Variants in PMPCA observed in about 807,000 individuals in gnomAD.
The protein encoded by PMPCA is peptidase, mitochondrial processing subunit alpha, also known as mitochondrial-processing peptidase subunit alpha.
PMPCA carries 47 observed loss-of-function variants against 59.3 expected under a neutral mutation model. The ratio of observed to expected loss-of-function variants is 0.79; its 90% CI spans 0.63 to 1.01. The LOEUF (loss-of-function observed/expected upper bound fraction) is 1.01. Among genes scored for constraint, PMPCA ranks in the 50% least tolerant of loss-of-function variants. The pLI is 0.00. For missense variants in PMPCA, 726 were observed against 704.5 expected (o/e 1.03, Z -0.34); for synonymous variants, 338 against 290.3 (o/e 1.16, Z -1.67).
chr9:136,410,739 G>A lies in PMPCA; in HGVS notation c.71G>A (p.Arg24Lys). ...GSGSWGCSRL[R>K]FGPPAYRRFS... ...GGTTCTTGGGGCTGTTCGCGGCTGA[G>A]GTGAGCCAAAGGCGAACCAGGCTTC... Residue 24 changes from arginine (R) to lysine (K), a missense_variant and splice_region_variant, in exon 1 of 13, where the codon AGG (arginine) becomes AAG (lysine). Transcript: ENST00000371717. 7.1e-7 allele frequency: 1 copy of A among 1,414,836 alleles called. No homozygotes were observed. Among genetic ancestry groups the A allele is most frequent in the Non-Finnish European group, 9.2e-7 (1 of 1,090,202 alleles). The allele number at this position is 1,414,836 out of a possible 1,614,324, so 87.6% of individuals were successfully genotyped here. A position where few individuals can be genotyped will look rare whatever the true frequency, so the allele number is the denominator to read the frequency against.
Position 136,418,068 on chromosome 9 carries a change from C to G in PMPCA, c.949C>G (p.Leu317Val). 2 of 1,613,916 alleles carry G rather than the reference C, an allele frequency of 1.2e-6. No individual in the cohort carries two copies. Among genetic ancestry groups the G allele is most frequent in the Non-Finnish European group, 1.7e-6 (2 of 1,179,740 alleles). The change falls in exon 8 of 13, where the codon CTC becomes GTC. Residue 317 changes from leucine to valine, a missense_variant. Coordinates refer to ENST00000371717, the MANE Select transcript of PMPCA (RefSeq NM_015160.3). ...CCTGGGCCCGACCCCCATCCCCGAGCTCACGCACATCATGGTTGGACTGGA... is the reference window on the plus strand; with the variant it reads ...CCTGGGCCCGACCCCCATCCCCGAGGTCACGCACATCATGGTTGGACTGGA... The part of the protein sequence containing the change: ...VSLGPTPIPE[L>V]THIMVGLESC...
chr9:136,414,041 T>TA (rs1443893037), intron 4 of PMPCA, among the ~76,000 whole-genome samples: 12 of 152,326 alleles, frequency 7.9e-5, no homozygotes, highest in African/African-American at 2.9e-4. Flanking sequence ...GAACAGATGT[T>TA]ACAGTGAGAC....
At chr9:136,422,979 C>G in intron 12 of PMPCA, 116 bp from the exon 13 acceptor site, 1 of 1,461,072 alleles carries the variant, frequency 6.8e-7, no homozygotes, top group Non-Finnish European at 9.0e-7. Flanking sequence ...CCCCCATCAG[C>G]AGCACAGCGT....
chr9:136,411,038 G>A (rs1370692215), intron 1 of PMPCA: 2 of 341,794 alleles, frequency 5.9e-6, no homozygotes, highest in Non-Finnish European at 1.1e-5. Context: ...CACCTACCGC[G>A]TGCTCCTTCA....
chr9:136,413,639 A>G (rs1195994599), intron 4 of PMPCA, among the ~76,000 whole-genome samples: 1 of 152,188 alleles, frequency 6.6e-6, no homozygotes, highest in Non-Finnish European at 1.5e-5. Context: ...TGCCCCTGCC[A>G]GGTTCCTGCC....
At chr9:136,416,708 A>G in intron 6 of PMPCA, 1 of 590,540 alleles carries the variant, frequency 1.7e-6, no homozygotes, top group Non-Finnish European at 3.0e-6. Context: ...CAGTTTTTAT[A>G]GTAACTAGGT....
chr9:136,417,161 G>C lies in PMPCA; in HGVS notation c.844G>C (p.Glu282Gln). ...LGVQPAWGSA[E>Q]AVDIDRSVAQ... ...GGTCCAGCCGGCCTGGGGGAGCGCA[G>C]AGGCCGTGGATATTGACAGATCTGT... Residue 282 changes from glutamate (E) to glutamine (Q), a missense_variant, in exon 7 of 13, where the codon GAG becomes CAG. Coordinates refer to ENST00000371717, the MANE Select transcript of PMPCA (RefSeq NM_015160.3). The C allele has an allele frequency of 6.2e-7, 1 of 1,611,310 alleles. No individual in the cohort carries two copies. Among genetic ancestry groups the C allele is most frequent in the Non-Finnish European group, 8.5e-7 (1 of 1,178,206 alleles).
intron 11 of PMPCA, 189 bp downstream of exon 11, chr9:136,419,295 G>A (rs1564424289): frequency 6.0e-6 from 4 of 669,784 alleles, no homozygotes; most frequent in East Asian, 5.4e-5. Flanking sequence ...GGAGCCCGCT[G>A]AGGCTGTTCT....
chr9:136,417,253 A>G, intron 7 of PMPCA, 39 bp downstream of exon 7: 1 of 1,521,144 alleles, frequency 6.6e-7, no homozygotes, highest in Non-Finnish European at 8.9e-7. Context: ...CGGGTGGGGA[A>G]CACGTCCCCT....
intron 6 of PMPCA, chr9:136,416,635 C>G (rs1835283613): frequency 1.6e-6 from 1 of 607,122 alleles, no homozygotes; most frequent in South Asian, 1.9e-5. Context: ...GCGTGAGTCA[C>G]CGCACTCAGC....
At chr9:136,415,166 G>A (rs894054549) in intron 5 of PMPCA, among the ~76,000 whole-genome samples, 1 of 152,192 alleles carries the variant, frequency 6.6e-6, no homozygotes, top group African/African-American at 2.4e-5. Flanking sequence ...GGCATTTAGG[G>A]ATGTAGAGAT....
Position 136,423,345 on chromosome 9 carries a change from T to C in PMPCA, c.*81T>C, listed in dbSNP as rs1041623609. 18 of 1,403,522 alleles carry C rather than the reference T, an allele frequency of 1.3e-5. No homozygotes were observed. Among genetic ancestry groups the C allele is most frequent in the Non-Finnish European group, 1.6e-5 (17 of 1,035,872 alleles). 86.9% of individuals were successfully genotyped at this position (1,403,522 alleles called of 1,614,324 possible). On this transcript the variant is annotated 3_prime_UTR_variant, in exon 13 of 13. Coordinates refer to ENST00000371717, the MANE Select transcript of PMPCA (RefSeq NM_015160.3). ...CGTGTTAGTTTGGACACGAATTTAG[T>C]CTAAAAAGCTGTCTGGTTGTATAAA...
chr9:136,412,428 C>T lies in PMPCA; in HGVS notation c.275-62C>T, dbSNP rs1200596648. 16 of 877,780 alleles carry T rather than the reference C, an allele frequency of 1.8e-5. No individual in the cohort carries two copies. In the East Asian group the frequency reaches 2.2e-4, roughly 12 times the overall value. 54.4% of individuals were successfully genotyped at this position (877,780 alleles called of 1,614,324 possible). A position where few individuals can be genotyped will look rare whatever the true frequency, so the allele number is the denominator to read the frequency against. ...GTCATATTGACATCTTAAAATGTTT[C>T]TCTTGATTAAATCTTATTTTGAATA... On this transcript the variant is annotated intron_variant, in intron 2 of 12. Transcript: ENST00000371717.
In PMPCA at chr9:136,410,661, G is replaced by T; in HGVS notation, c.-8G>T. ...GAAGTGACGACTGAAGCGGGGCGGA[G>T]ACGCAAGATGGCGGCTGTGGTGCTG... On this transcript the variant is annotated 5_prime_UTR_variant, in exon 1 of 13. Transcript: ENST00000371717. 1 of 1,398,914 alleles carries T rather than the reference G, an allele frequency of 7.1e-7. No individual in the cohort carries two copies. 86.7% of individuals were successfully genotyped at this position (1,398,914 alleles called of 1,614,324 possible). A position where few individuals can be genotyped will look rare whatever the true frequency, so the allele number is the denominator to read the frequency against.
chr9:136,423,095 G>A lies in PMPCA; in HGVS notation c.1409G>A (p.Arg470His). ...GACACGCGTTTGCCCTCTGCACTAGGCAACGTGAAGCCGGAAGATGTGAAG... is the reference window on the plus strand; with the variant it reads ...GACACGCGTTTGCCCTCTGCACTAGACAACGTGAAGCCGGAAGATGTGAAG... ...KLPHELCTLI[R>H]NVKPEDVKRV... The change falls in exon 13 of 13, where the codon CGC becomes CAC. Residue 470 changes from arginine to histidine, a missense_variant and splice_region_variant. Transcript: ENST00000371717. The A allele has an allele frequency of 6.2e-7, 1 of 1,611,278 alleles. No individual in the cohort carries two copies. Among genetic ancestry groups the A allele is most frequent in the Non-Finnish European group, 8.5e-7 (1 of 1,179,134 alleles).
intron 11 of PMPCA, among the ~76,000 whole-genome samples, chr9:136,421,246 C>T (rs1835439455): frequency 6.6e-6 from 1 of 152,222 alleles, no homozygotes; most frequent in Admixed American, 6.5e-5. Flanking sequence ...TTTACCTTCT[C>T]CCGCTGCATG....
chr9:136,416,095 G>A, intron 5 of PMPCA, 196 bp from the exon 6 acceptor site: 1 of 592,452 alleles, frequency 1.7e-6, no homozygotes, highest in South Asian at 2.0e-5. Context: ...TGAGGCCCAG[G>A]TCCCCTAGCT....
In PMPCA at chr9:136,418,866, G is replaced by T. The variant is rs747695631; in HGVS notation, c.1148G>T (p.Ser383Ile). The T allele has an allele frequency of 6.2e-7, 1 of 1,613,526 alleles. No homozygotes were observed. Among genetic ancestry groups the T allele is most frequent in the Non-Finnish European group, 8.5e-7 (1 of 1,180,002 alleles). ...WMYNATSYHH[S>I]YEDTGLLCIH... ...TATAACGCGACCTCCTACCACCACA[G>T]CTACGAGGACACTGGCCTCCTTTGC... The change falls in exon 10 of 13, where the codon AGC (serine) becomes ATC (isoleucine). Residue 383 changes from serine (S) to isoleucine (I), a missense_variant. Coordinates refer to ENST00000371717, the MANE Select transcript of PMPCA (RefSeq NM_015160.3).
rs763602314 is a variant in PMPCA at position 136,423,219 on chromosome 9, G to C, written c.1533G>C (p.Ser511=). The C allele has an allele frequency of 6.2e-7, 1 of 1,613,560 alleles. No individual in the cohort carries two copies. The highest frequency in any genetic ancestry group is 8.5e-7 in the Non-Finnish European group (1 of 1,180,026). The part of the protein sequence containing the change: ...PTYEHIQTAL[S]SKDGRLPRTY... ...ATGAGCACATCCAGACCGCCCTGTC[G>C]AGTAAGGACGGGCGCCTGCCCAGGA... is the stretch of plus-strand genomic sequence containing the variant. Residue 511 remains serine, a synonymous_variant, in exon 13 of 13, where the codon TCG becomes TCC. Coordinates refer to ENST00000371717, the MANE Select transcript of PMPCA (RefSeq NM_015160.3).
Sources: allele counts gnomAD v4.1 joint callset (sites outside exome capture counted in the v4.1 genomes callset), GRCh38; gene constraint gnomAD v4.1.1; transcripts MANE v1.5; gene names NCBI Gene and HGNC (gene_info 2026-07-23, HGNC 2026-07-21).